AGBL1: variants seen among roughly 807,000 people sequenced by gnomAD.
AGBL1 encodes the protein AGBL carboxypeptidase 1.
Under a neutral mutation model 118.9 loss-of-function variants are expected in AGBL1, and 130 were observed. The observed-to-expected ratio is 1.09, with a 90% CI of 0.95 to 1.26. The LOEUF is 1.26. Among genes scored for constraint, AGBL1 ranks in the 50% most tolerant of loss-of-function variants. The probability of loss-of-function intolerance (pLI) is 0.00; values close to 1 mark genes in which losing one functional copy is unlikely to be tolerated. For missense variants in AGBL1, 1,584 were observed against 1,298.1 expected (o/e 1.22, Z -3.38); for synonymous variants, 555 against 478.9 (o/e 1.16, Z -2.08).
chr15:86,216,801 C>T (rs540055180), intron 5 of AGBL1, among the ~76,000 whole-genome samples: 15 of 152,296 alleles, frequency 9.8e-5, no homozygotes, highest in Middle Eastern at 3.4e-3. Context: ...CCTCCACTTA[C>T]GGTGAAGCCA....
rs192009404 is a variant in AGBL1 at position 86,319,842 on chromosome 15, C to T, written c.2374+24434C>T. Among the ~76,000 whole-genome samples, 99 of 133,048 alleles carry T rather than the reference C, an allele frequency of 7.4e-4. No individual in the cohort carries two copies. The East Asian group carries it at 0.012, about 17-fold the overall frequency. 87.3% of individuals were successfully genotyped at this position (133,048 alleles called of 152,430 possible). Reference sequence around the variant, plus strand: ...CACGATCTTGGTTCACTGCCACCTTCGCCTCCTGGGTTCAAGTGATTCTCC... The same window carrying T: ...CACGATCTTGGTTCACTGCCACCTTTGCCTCCTGGGTTCAAGTGATTCTCC... On this transcript the variant is annotated intron_variant, in intron 17 of 22. Transcript: ENST00000614907.
chr15:86,915,309 C>G lies in AGBL1; in HGVS notation c.*8015C>G, dbSNP rs1453412364. On this transcript the variant is annotated 3_prime_UTR_variant, in exon 23 of 23. Coordinates refer to ENST00000614907, the MANE Select transcript of AGBL1 (RefSeq NM_001386094.1). ...TCGCAGTTTATAATTTGTCAGTGAC[C>G]TCCCATGGTCTTAAGGATAAAATGC... 2.0e-5 allele frequency: 3 copies of G among 152,176 alleles called. No individual in the cohort carries two copies. Among genetic ancestry groups the G allele is most frequent in the Non-Finnish European group, 2.9e-5 (2 of 68,040 alleles). 9.4% of individuals were successfully genotyped at this position (152,176 alleles called of 1,614,324 possible). A position where few individuals can be genotyped will look rare whatever the true frequency, so the allele number is the denominator to read the frequency against.
intron 24 of AGBL1, among the ~76,000 whole-genome samples, chr15:87,019,789 AG>A (rs901607532): frequency 2.6e-5 from 4 of 152,080 alleles, no homozygotes; most frequent in African/African-American, 9.7e-5. Context: ...GAACTGAAGG[AG>A]ATAGAAACCC....
intron 22 of AGBL1, among the ~76,000 whole-genome samples, chr15:86,726,348 T>C (rs1305473522): frequency 1.3e-5 from 2 of 152,138 alleles, no homozygotes; most frequent in Non-Finnish European, 2.9e-5. Context: ...TATGGGATAG[T>C]GGGAGGAGAG....
intron 21 of AGBL1, among the ~76,000 whole-genome samples, chr15:86,585,594 G>T (rs774146070): frequency 6.6e-6 from 1 of 152,048 alleles, no homozygotes; most frequent in African/African-American, 2.4e-5. Flanking sequence ...TTGAACTCCT[G>T]TTCTCAGGCA....
rs533300919 is a variant in AGBL1, at chr15:86,310,817, A to G, written c.2374+15409A>G. Among the ~76,000 whole-genome samples, 8 of 152,164 alleles carry G rather than the reference A, an allele frequency of 5.3e-5. No individual in the cohort carries two copies. In the South Asian group the frequency reaches 1.5e-3, roughly 28 times the overall value. ...AACTGGGATGACCATATTCTCTACT[A>G]TGGATTTTTGGGATCACATATGGAT... On this transcript the variant is annotated intron_variant, in intron 17 of 22. Coordinates refer to ENST00000614907, the MANE Select transcript of AGBL1 (RefSeq NM_001386094.1).
chr15:86,316,928 A>G (rs1252135788), intron 17 of AGBL1: 1 of 152,262 alleles, frequency 6.6e-6, no homozygotes, highest in Non-Finnish European at 1.5e-5. Flanking sequence ...TGTGAGAAGC[A>G]GTGCTCTTGT....
At chr15:86,539,847 G>C (rs145344425) in intron 19 of AGBL1, among the ~76,000 whole-genome samples, 1 of 152,258 alleles carries the variant, frequency 6.6e-6, no homozygotes, top group Non-Finnish European at 1.5e-5. Context: ...TGTTCTTATT[G>C]GGTTCCCAGA....
intron 17 of AGBL1, among the ~76,000 whole-genome samples, chr15:86,331,328 C>T (rs779330161): frequency 8.7e-4 from 132 of 151,578 alleles, no homozygotes; most frequent in Non-Finnish European, 1.2e-3. Flanking sequence ...CTTCTCTCTT[C>T]TTCTCTCCTG....
chr15:86,109,416 G>T (rs1462688734), intron 1 of AGBL1, among the ~76,000 whole-genome samples: 1 of 152,050 alleles, frequency 6.6e-6, no homozygotes, highest in East Asian at 1.9e-4. Context: ...TGACTTCCTG[G>T]CATTGCTTTA....
intron 23 of AGBL1, among the ~76,000 whole-genome samples, chr15:86,985,624 AT>A (rs35823170): frequency 6.6e-6 from 1 of 150,448 alleles, no homozygotes; most frequent in Non-Finnish European, 1.5e-5. Context: ...TTTTGTTCCA[AT>A]TTTTTTTTTA....
At chr15:86,922,815 A>G (rs1456488565) in intron 23 of AGBL1, among the ~76,000 whole-genome samples, 2 of 152,204 alleles carry the variant, frequency 1.3e-5, no homozygotes, top group Non-Finnish European at 2.9e-5. Context: ...TCTAGGGAGC[A>G]GTTACCAATG....
At chr15:86,666,492 C>T (rs1156317166) in intron 21 of AGBL1, among the ~76,000 whole-genome samples, 1 of 151,842 alleles carries the variant, frequency 6.6e-6, no homozygotes, top group African/African-American at 2.4e-5. Flanking sequence ...TGTGATTATT[C>T]CTTTCTAATA....
chr15:87,010,845 C>T (rs542293142), intron 24 of AGBL1, among the ~76,000 whole-genome samples: 2 of 152,312 alleles, frequency 1.3e-5, no homozygotes, highest in South Asian at 2.1e-4. Flanking sequence ...TACATACTTA[C>T]CTACCCACCT....
chr15:86,391,640 G>GTTTTTTTTT lies in AGBL1; in HGVS notation c.2375-5709_2375-5701dup, dbSNP rs751427467. ...ATACCTTTGTATAATGTTGTTGTTG[G>GTTTTTTTTT]TTTTTTTTTTTTTTTTTTTTTTTTT... is the stretch of plus-strand genomic sequence containing the variant. On this transcript the variant is annotated intron_variant, in intron 17 of 22. Transcript: ENST00000614907. 4.5e-4 allele frequency among the ~76,000 whole-genome samples: 33 copies of GTTTTTTTTT among 73,786 alleles called. 1 individual carries two copies. Among genetic ancestry groups the GTTTTTTTTT allele is most frequent in the African/African-American group, 9.6e-4 (17 of 17,762 alleles). 48.4% of individuals were successfully genotyped at this position (73,786 alleles called of 152,430 possible). A position where few individuals can be genotyped will look rare whatever the true frequency, so the allele number is the denominator to read the frequency against.
At chr15:86,443,875 TC>T (rs1384192948) in intron 18 of AGBL1, among the ~76,000 whole-genome samples, 3 of 143,986 alleles carry the variant, frequency 2.1e-5, no homozygotes, top group Non-Finnish European at 4.5e-5. Flanking sequence ...GGTTGACTCC[TC>T]TATATCTTAG....
intron 22 of AGBL1, among the ~76,000 whole-genome samples, chr15:86,684,387 T>C (rs1030930036): frequency 6.6e-6 from 1 of 151,994 alleles, no homozygotes; most frequent in Non-Finnish European, 1.5e-5. Context: ...CAAGATGAAA[T>C]AGTCTATCAT....
chr15:86,988,278 C>T, intron 24 of AGBL1: 5 of 591,682 alleles, frequency 8.5e-6, no homozygotes, highest in Non-Finnish European at 5.8e-6. Context: ...CAACGATTTA[C>T]ATTCACACAA....
rs1181390194 is a variant in AGBL1 at position 86,264,382 on chromosome 15, G to C, written c.1211G>C (p.Gly404Ala). 2 of 1,613,762 alleles carry C rather than the reference G, an allele frequency of 1.2e-6. No individual in the cohort carries two copies. The highest frequency in any genetic ancestry group is 1.7e-5 in the Admixed American group (1 of 59,994). ...TACAGCAAGGACCAAAGCTCCTGTG[G>C]GCAAGAAAGAGAATATGCTGTCCAG... ...HCYSKDQSSC[G>A]QEREYAVQTS... The change falls in exon 11 of 23, where the codon GGG (glycine) becomes GCG (alanine). Residue 404 changes from glycine (G) to alanine (A), a missense_variant. Coordinates refer to ENST00000614907, the MANE Select transcript of AGBL1 (RefSeq NM_001386094.1).
Sources: gnomAD v4.1 joint callset for allele counts (sites outside exome capture counted in the v4.1 genomes callset) on GRCh38, gnomAD v4.1.1 for gene constraint, MANE v1.5 for transcripts, NCBI Gene and HGNC (gene_info 2026-07-23, HGNC 2026-07-21) for gene names.